The following MAPK4 variants were observed in gnomAD, a reference collection of about 807,000 sequenced individuals.
MAPK4 encodes Erk3-related.
A neutral mutation model predicts 47.7 loss-of-function variants in MAPK4; 22 were observed. The ratio of observed to expected loss-of-function variants is 0.46; its 90% CI spans 0.33 to 0.66. MAPK4 has a LOEUF of 0.66. Ranked by LOEUF, MAPK4 falls within the 30% of genes least tolerant of loss-of-function variation. The pLI, the probability that MAPK4 is intolerant of heterozygous loss-of-function variation, is 0.02. For missense variants in MAPK4, 736 were observed against 831.7 expected, an observed-to-expected ratio of 0.88 and a Z score of 1.42; for synonymous variants, 390 against 365.7, an observed-to-expected ratio of 1.07 and a Z score of -0.76.
chr18:50,625,055 T>C (rs1282284932), intron 1 of MAPK4, among the ~76,000 whole-genome samples: 11 of 152,168 alleles, frequency 7.2e-5, no homozygotes. Flanking sequence ...ATGAGGACTA[T>C]CTGGAAATGA....
chr18:50,725,533 G>T (rs1911145083), intron 4 of MAPK4, among the ~76,000 whole-genome samples: 1 of 152,342 alleles, frequency 6.6e-6, no homozygotes, highest in Non-Finnish European at 1.5e-5. Flanking sequence ...CCACCTCTGA[G>T]TGTGGCCCAC....
At chr18:50,628,969 T>C (rs979974070) in intron 1 of MAPK4, among the ~76,000 whole-genome samples, 3 of 152,266 alleles carry the variant, frequency 2.0e-5, no homozygotes, top group African/African-American at 7.2e-5. Context: ...GTATTTCTTT[T>C]CTTTGTCCTT....
intron 1 of MAPK4, among the ~76,000 whole-genome samples, chr18:50,634,546 C>T (rs2042864396): frequency 1.3e-5 from 2 of 152,102 alleles, no homozygotes; most frequent in South Asian, 4.2e-4. Context: ...ATTTGACTTA[C>T]ATCAGTTATT....
chr18:50,600,436 G>T (rs2042525417), intron 1 of MAPK4, among the ~76,000 whole-genome samples: 1 of 152,176 alleles, frequency 6.6e-6, no homozygotes, highest in African/African-American at 2.4e-5. Flanking sequence ...GCCCCAAACA[G>T]CCCATGTAAG....
At chr18:50,605,978 G>T (rs2042579938) in intron 1 of MAPK4, among the ~76,000 whole-genome samples, 1 of 151,748 alleles carries the variant, frequency 6.6e-6, no homozygotes, top group African/African-American at 2.4e-5. Context: ...GCTTTGGCAA[G>T]GCATCCTGAA....
chr18:50,620,873 T>A (rs938703081), intron 1 of MAPK4, among the ~76,000 whole-genome samples: 1 of 152,202 alleles, frequency 6.6e-6, no homozygotes, highest in African/African-American at 2.4e-5. Context: ...CTTCCATGTT[T>A]GGAGAGGTTA....
intron 3 of MAPK4, among the ~76,000 whole-genome samples, chr18:50,718,537 T>C (rs997618611): frequency 6.6e-6 from 1 of 152,080 alleles, no homozygotes; most frequent in Non-Finnish European, 1.5e-5. Flanking sequence ...AATATTTATA[T>C]TGGGCACAGT....
intron 1 of MAPK4, among the ~76,000 whole-genome samples, chr18:50,561,150 C>G (rs2149353646): frequency 6.6e-6 from 1 of 152,318 alleles, no homozygotes; most frequent in East Asian, 1.9e-4. Context: ...CAGCAGCGTC[C>G]CGACAGAGCG....
At chr18:50,661,382 C>A (rs905079081) in intron 1 of MAPK4, among the ~76,000 whole-genome samples, 1 of 152,210 alleles carries the variant, frequency 6.6e-6, no homozygotes, top group Non-Finnish European at 1.5e-5. Context: ...GTGCTCCCAG[C>A]ACTGTCTCTT....
Position 50,693,977 on chromosome 18 carries a change from T to C in MAPK4, c.547-21102T>C, listed in dbSNP as rs888020000. Among the ~76,000 whole-genome samples, 37 of 152,274 alleles carry C rather than the reference T, an allele frequency of 2.4e-4. 1 individual carries two copies. The highest frequency in any genetic ancestry group is 6.8e-3 in the Middle Eastern group (2 of 294). ...CACAGGAGGGTTGCAGGAGCTGCTG[T>C]AGGATGCAGAGAAGGCTCATGCACA... On this transcript the variant is annotated intron_variant, in intron 2 of 5. Coordinates refer to ENST00000400384, the MANE Select transcript of MAPK4 (RefSeq NM_002747.4).
chr18:50,637,387 G>A (rs188025262), intron 1 of MAPK4, among the ~76,000 whole-genome samples: 1 of 152,272 alleles, frequency 6.6e-6, no homozygotes, highest in Admixed American at 6.5e-5. Context: ...GTGAAGTTCA[G>A]CAACTTGCCC....
rs1598768722 is a variant in MAPK4, at chr18:50,560,128, C to T, written c.-986C>T. 6.7e-6 allele frequency: 1 copy of T among 149,104 alleles called. No homozygotes were observed. The highest frequency in any genetic ancestry group is 6.7e-5 in the Admixed American group (1 of 14,946). The allele number at this position is 149,104 out of a possible 1,614,324, so 9.2% of individuals were successfully genotyped here. On this transcript the variant is annotated 5_prime_UTR_variant, in exon 1 of 6. Coordinates refer to ENST00000400384, the MANE Select transcript of MAPK4 (RefSeq NM_002747.4). ...CAGCGAGCCGGGCTGTCGGGGCGAC[C>T]GCGGGAGCTCGCCGTGCGCCGTGGC...
intron 1 of MAPK4, among the ~76,000 whole-genome samples, chr18:50,602,149 T>C (rs2042546671): frequency 6.6e-6 from 1 of 152,196 alleles, no homozygotes; most frequent in Non-Finnish European, 1.5e-5. Flanking sequence ...CCATAGACAA[T>C]GTAATTTGAG....
At chr18:50,681,998 T>G (rs951427416) in intron 2 of MAPK4, among the ~76,000 whole-genome samples, 5 of 152,142 alleles carry the variant, frequency 3.3e-5, no homozygotes, top group Non-Finnish European at 7.3e-5. Flanking sequence ...AGGATGCCAT[T>G]TATATGAAAT....
intron 1 of MAPK4, among the ~76,000 whole-genome samples, chr18:50,639,141 G>A (rs1365861865): frequency 1.3e-5 from 2 of 152,172 alleles, no homozygotes; most frequent in African/African-American, 2.4e-5. Flanking sequence ...CCTGGGGAAT[G>A]GAGAAAAACA....
intron 2 of MAPK4, among the ~76,000 whole-genome samples, chr18:50,711,406 G>A (rs765744725): frequency 1.3e-5 from 2 of 152,234 alleles, no homozygotes; most frequent in South Asian, 2.1e-4. Flanking sequence ...GGAAATAGAC[G>A]ATTAGGAAGG....
At chr18:50,589,368 G>A (rs969972097) in intron 1 of MAPK4, among the ~76,000 whole-genome samples, 26 of 152,080 alleles carry the variant, frequency 1.7e-4, no homozygotes, top group African/African-American at 4.6e-4. Flanking sequence ...AGGCCGAGGC[G>A]GGCGGATCAC....
chr18:50,707,478 C>T (rs996488255), intron 2 of MAPK4, among the ~76,000 whole-genome samples: 1 of 150,044 alleles, frequency 6.7e-6, no homozygotes, highest in Non-Finnish European at 1.5e-5. Flanking sequence ...GGTTAAAGCC[C>T]GAGGATCGCT....
At chr18:50,597,419 G>A (rs919462460) in intron 1 of MAPK4, among the ~76,000 whole-genome samples, 2 of 152,194 alleles carry the variant, frequency 1.3e-5, no homozygotes, top group Admixed American at 6.5e-5. Flanking sequence ...TGCTCATCTT[G>A]TTTCTACACT....
Sources: gnomAD v4.1 joint callset for allele counts (sites outside exome capture counted in the v4.1 genomes callset) on GRCh38, gnomAD v4.1.1 for gene constraint, MANE v1.5 for transcripts, NCBI Gene and HGNC (gene_info 2026-07-23, HGNC 2026-07-21) for gene names.